Variants in PTPRG observed in about 807,000 individuals in gnomAD.
The protein encoded by PTPRG is receptor-type tyrosine-protein phosphatase gamma.
A neutral mutation model predicts 165.3 loss-of-function variants in PTPRG; 102 were observed. The observed-to-expected ratio is 0.62, with a 90% confidence interval of 0.53 to 0.73. The LOEUF (loss-of-function observed/expected upper bound fraction) is 0.73. Ranked by LOEUF, PTPRG falls within the 30% of genes least tolerant of loss-of-function variation. The pLI, the probability that PTPRG is intolerant of heterozygous loss-of-function variation, is 0.00. For missense variants in PTPRG, 1,866 were observed against 1,861.4 expected, an observed-to-expected ratio of 1.00 and a Z score of -0.05; for synonymous variants, 675 against 669.5, an observed-to-expected ratio of 1.01 and a Z score of -0.13.
At chr3:61,690,070 C>T (rs899300022) in intron 1 of PTPRG, among the ~76,000 whole-genome samples, 1 of 152,210 alleles carries the variant, frequency 6.6e-6, no homozygotes, top group African/African-American at 2.4e-5. Flanking sequence ...CTTCAGCTTC[C>T]TTTTTCTTTG....
At chr3:62,266,666 C>CT (rs1269053635) in intron 17 of PTPRG, among the ~76,000 whole-genome samples, 1 of 151,666 alleles carries the variant, frequency 6.6e-6, no homozygotes, top group African/African-American at 2.4e-5. Context: ...CATTGGACTT[C>CT]TTTTTCAACT....
intron 1 of PTPRG, among the ~76,000 whole-genome samples, chr3:61,746,589 C>T (rs889063044): frequency 2.4e-4 from 36 of 152,034 alleles, no homozygotes; most frequent in African/African-American, 8.7e-4. Flanking sequence ...CTCAACCACC[C>T]CCCGAGGCTT....
At chr3:62,235,883 G>T (rs377710264) in intron 14 of PTPRG, among the ~76,000 whole-genome samples, 1 of 151,932 alleles carries the variant, frequency 6.6e-6, no homozygotes, top group Non-Finnish European at 1.5e-5. Context: ...GTTAAGCCCT[G>T]CTTATCTAAG....
At chr3:62,028,918 A>C (rs1265672695) in intron 4 of PTPRG, among the ~76,000 whole-genome samples, 1 of 152,132 alleles carries the variant, frequency 6.6e-6, no homozygotes, top group Non-Finnish European at 1.5e-5. Flanking sequence ...GTTGATACTC[A>C]CTGAGAGTCC....
chr3:61,771,562 T>C (rs1224522305), intron 2 of PTPRG, among the ~76,000 whole-genome samples: 1 of 152,184 alleles, frequency 6.6e-6, no homozygotes, highest in African/African-American at 2.4e-5. Flanking sequence ...CCCTTCTAAC[T>C]TGTGTTTTGC....
At chr3:61,742,868 C>G (rs1387678806) in intron 1 of PTPRG, 5 of 1,558,732 alleles carry the variant, frequency 3.2e-6, no homozygotes, top group Non-Finnish European at 3.5e-6. Flanking sequence ...TGGGGGATAT[C>G]CACGGCCTTA....
intron 4 of PTPRG, among the ~76,000 whole-genome samples, chr3:62,067,218 T>A (rs908352796): frequency 6.6e-6 from 1 of 151,538 alleles, no homozygotes; most frequent in Non-Finnish European, 1.5e-5. Flanking sequence ...GGTTTCTGCA[T>A]CTCAGCACTA....
At chr3:61,700,381 T>A (rs1488062774) in intron 1 of PTPRG, among the ~76,000 whole-genome samples, 1 of 152,162 alleles carries the variant, frequency 6.6e-6, no homozygotes, top group Non-Finnish European at 1.5e-5. Context: ...CAGTAAGATT[T>A]CTCACAGTCC....
chr3:61,820,760 C>T (rs569594005), intron 2 of PTPRG, among the ~76,000 whole-genome samples: 3 of 152,022 alleles, frequency 2.0e-5, no homozygotes, highest in South Asian at 4.2e-4. Flanking sequence ...TAACAGCTAG[C>T]TATAGCATTC....
At chr3:61,942,305 T>C (rs944350316) in intron 2 of PTPRG, among the ~76,000 whole-genome samples, 1 of 152,208 alleles carries the variant, frequency 6.6e-6, no homozygotes, top group African/African-American at 2.4e-5. Flanking sequence ...CAGAGGCAGT[T>C]TCTATTTGTC....
chr3:61,564,071 T>A (rs1282627663), intron 1 of PTPRG, among the ~76,000 whole-genome samples: 1 of 152,214 alleles, frequency 6.6e-6, no homozygotes, highest in East Asian at 1.9e-4. Context: ...GTTTGCCCAC[T>A]GGAGTCCTGC....
intron 4 of PTPRG, among the ~76,000 whole-genome samples, chr3:62,029,849 G>A (rs961775959): frequency 1.3e-5 from 2 of 152,196 alleles, no homozygotes; most frequent in African/African-American, 4.8e-5. Context: ...ATATGCAAGA[G>A]TAATATTCCT....
intron 5 of PTPRG, among the ~76,000 whole-genome samples, chr3:62,104,286 G>A (rs1293349204): frequency 1.3e-5 from 2 of 152,256 alleles, no homozygotes; most frequent in Admixed American, 6.5e-5. Context: ...AGCCCTGCTG[G>A]CCTTCCATCT....
intron 3 of PTPRG, among the ~76,000 whole-genome samples, chr3:61,995,084 CTTTTTTTTTT>C (rs761499179): frequency 4.2e-4 from 15 of 35,406 alleles, no homozygotes; most frequent in Admixed American, 3.7e-3. Context: ...TTCTTTCTTT[CTTTTTTTTTT>C]TTTTTTTTTT....
At chr3:61,899,018 C>T (rs2038432980) in intron 2 of PTPRG, among the ~76,000 whole-genome samples, 1 of 152,166 alleles carries the variant, frequency 6.6e-6, no homozygotes, top group Admixed American at 6.5e-5. Flanking sequence ...AAGCGATCCT[C>T]CCACCTCAGC....
At chr3:62,266,666 C>A (rs1701884732) in intron 17 of PTPRG, among the ~76,000 whole-genome samples, 1 of 151,666 alleles carries the variant, frequency 6.6e-6, no homozygotes, top group South Asian at 2.1e-4. Context: ...CATTGGACTT[C>A]TTTTTCAACT....
intron 1 of PTPRG, among the ~76,000 whole-genome samples, chr3:61,702,783 C>T (rs2031042468): frequency 6.6e-6 from 1 of 152,230 alleles, no homozygotes; most frequent in Non-Finnish European, 1.5e-5. Context: ...TTTTGCTCAA[C>T]ATAATGTCTA....
At chr3:61,902,355 G>A (rs1464231893) in intron 2 of PTPRG, among the ~76,000 whole-genome samples, 3 of 152,174 alleles carry the variant, frequency 2.0e-5, no homozygotes, top group Non-Finnish European at 4.4e-5. Context: ...GCATTGGAGG[G>A]AGAAGCAGGT....
At chr3:61,982,221 A>G (rs1220333068) in intron 2 of PTPRG, among the ~76,000 whole-genome samples, 1 of 152,078 alleles carries the variant, frequency 6.6e-6, no homozygotes, top group Non-Finnish European at 1.5e-5. Flanking sequence ...AACACTTAAG[A>G]TGTTTGGCAT....
Sources: gnomAD v4.1 joint callset for allele counts (sites outside exome capture counted in the v4.1 genomes callset) on GRCh38, gnomAD v4.1.1 for gene constraint, MANE v1.5 for transcripts, NCBI Gene and HGNC (gene_info 2026-07-23, HGNC 2026-07-21) for gene names.